Variants in PPP6R2 observed in about 807,000 individuals in gnomAD.
PPP6R2 encodes serine/threonine-protein phosphatase 6 regulatory subunit 2.
A neutral mutation model predicts 100.2 loss-of-function variants in PPP6R2; 62 were observed. The ratio of observed to expected loss-of-function variants is 0.62; its 90% CI spans 0.50 to 0.76. The LOEUF (loss-of-function observed/expected upper bound fraction) is 0.76, where lower values mean the gene tolerates loss of function less well. Ranked by LOEUF, PPP6R2 falls within the 30% of genes least tolerant of loss-of-function variation. The pLI, the probability that PPP6R2 is intolerant of heterozygous loss-of-function variation, is 0.00. For missense variants in PPP6R2, 1,142 were observed against 1,276.3 expected, an observed-to-expected ratio of 0.89 and a Z score of 1.60; for synonymous variants, 525 against 514.7, an observed-to-expected ratio of 1.02 and a Z score of -0.27.
chr22:50,337,818 T>A, the PPP6R2 span, among the ~76,000 whole-genome samples: 1 of 142,514 alleles, frequency 7.0e-6, no homozygotes, highest in Non-Finnish European at 1.5e-5. Context: ...GTGTGCTATC[T>A]GGGTACAGTG....
chr22:50,395,886 T>G (rs2056696483), intron 3 of PPP6R2, among the ~76,000 whole-genome samples: 1 of 150,970 alleles, frequency 6.6e-6, no homozygotes. Flanking sequence ...TTTACCTGTT[T>G]AAATGGTTGG....
At chr22:50,436,895 CCCTGGGCTGGGCATGGT>C (rs755911773) in intron 14 of PPP6R2, 76 bp from the exon 15 acceptor site, 8 of 1,019,130 alleles carry the variant, frequency 7.8e-6, no homozygotes, top group Admixed American at 4.0e-5. Context: ...GGTCTGGGAG[CCCTGGGCTGGGCATGGT>C]CCTGGGCGCT....
At chr22:50,404,634 A>G (rs1379837834) in intron 3 of PPP6R2, among the ~76,000 whole-genome samples, 1 of 120,478 alleles carries the variant, frequency 8.3e-6, no homozygotes. Flanking sequence ...ACGGAGTTTC[A>G]CCATGTTGCC....
At position 50,444,258 on chromosome 22, in the gene PPP6R2, G is replaced by C; in HGVS notation, c.*11G>C. On this transcript the variant is annotated 3_prime_UTR_variant, in exon 24 of 24. Coordinates refer to ENST00000612753, the MANE Select transcript of PPP6R2 (RefSeq NM_001242898.2). The stretch of plus-strand genomic sequence containing the variant: ...AATGGCCCAGTGTGATGCTGCTGCC[G>C]CCCGGCCACGGCCCACCCTGGTCAG... The C allele has an allele frequency of 6.2e-7, 1 of 1,612,158 alleles. No individual in the cohort carries two copies. Among genetic ancestry groups the C allele is most frequent in the Non-Finnish European group, 8.5e-7 (1 of 1,179,610 alleles).
In PPP6R2 at chr22:50,444,065, G is replaced by A. The variant is rs75683035; in HGVS notation, c.2779G>A (p.Val927Ile). 3.0e-4 allele frequency: 486 copies of A among 1,612,938 alleles called. 3 individuals are homozygous for A. The highest frequency in any genetic ancestry group is 2.9e-3 in the East Asian group (128 of 44,876). The part of the protein sequence containing the change: ...VAVPLGPIMA[V>I]TAAPAMVATL... ...GGTCCCCCTAGGGCCCATCATGGCA[G>A]TCACAGCAGCCCCAGCCATGGTGGC... The change falls in exon 23 of 24, where the codon GTC becomes ATC. Residue 927 changes from valine to isoleucine, a missense_variant. This residue lies in a region of PPP6R2 where 550 missense variants were observed against 517.4 expected (regional missense o/e 1.06). Coordinates refer to ENST00000612753, the MANE Select transcript of PPP6R2 (RefSeq NM_001242898.2).
chr22:50,350,141 T>C (rs115343988), intron 1 of PPP6R2, among the ~76,000 whole-genome samples: 2,329 of 152,048 alleles, frequency 0.015, 58 homozygotes, highest in African/African-American at 0.053. Flanking sequence ...AAGAAACCAT[T>C]TTATTTGCTC....
chr22:50,438,073 T>C, intron 17 of PPP6R2, 101 bp from the exon 18 acceptor site: 1 of 1,520,932 alleles, frequency 6.6e-7, no homozygotes, highest in Non-Finnish European at 8.9e-7. Context: ...AGCCCGGGGC[T>C]CCCACATCCC....
intron 3 of PPP6R2, among the ~76,000 whole-genome samples, chr22:50,396,869 T>C (rs1335822807): frequency 1.3e-5 from 2 of 151,936 alleles, no homozygotes; most frequent in African/African-American, 4.8e-5. Context: ...AGGGTTAGGG[T>C]GGGGCAGCTG....
chr22:50,379,407 G>A (rs1412376767), intron 2 of PPP6R2, among the ~76,000 whole-genome samples: 5 of 152,098 alleles, frequency 3.3e-5, no homozygotes, highest in Admixed American at 3.3e-4. Flanking sequence ...TGAGGTGGGA[G>A]TATCACTTGA....
At chr22:50,430,249 C>T (rs961936548) in intron 10 of PPP6R2, among the ~76,000 whole-genome samples, 7 of 152,262 alleles carry the variant, frequency 4.6e-5, no homozygotes, top group Non-Finnish European at 1.0e-4. Context: ...CACCTCTGGG[C>T]TTCAGCCCAT....
the PPP6R2 span, among the ~76,000 whole-genome samples, chr22:50,334,992 G>A: frequency 2.2e-4 from 33 of 151,984 alleles, no homozygotes; most frequent in African/African-American, 7.7e-4. Context: ...CTGAGATTTT[G>A]CCAGAGATTA....
chr22:50,396,490 G>A (rs1174217992), intron 3 of PPP6R2, among the ~76,000 whole-genome samples: 15 of 129,620 alleles, frequency 1.2e-4, no homozygotes, highest in Admixed American at 3.2e-4. Context: ...GTGAGACTCC[G>A]TCTCAAAAAA....
At chr22:50,352,717 C>G (rs986783497) in intron 1 of PPP6R2, among the ~76,000 whole-genome samples, 14 of 144,834 alleles carry the variant, frequency 9.7e-5, no homozygotes, top group African/African-American at 2.4e-4. Context: ...GAGCGAGACT[C>G]TGTCTCAAAA....
chr22:50,350,850 A>C (rs2044943516), intron 1 of PPP6R2, among the ~76,000 whole-genome samples: 1 of 151,454 alleles, frequency 6.6e-6, no homozygotes, highest in Non-Finnish European at 1.5e-5. Flanking sequence ...GTCTCAAAAA[A>C]AAAAAAAAAA....
intron 2 of PPP6R2, among the ~76,000 whole-genome samples, chr22:50,391,262 T>C (rs1953568321): frequency 6.6e-6 from 1 of 151,212 alleles, no homozygotes; most frequent in African/African-American, 2.4e-5. Context: ...TGAAACCCCA[T>C]CTCTACTAAA....
At chr22:50,338,470 T>TATGTC (rs2042328531), upstream of PPP6R2, among the ~76,000 whole-genome samples, 2 of 129,740 alleles carry the variant, frequency 1.5e-5, no homozygotes, top group African/African-American at 6.0e-5. Flanking sequence ...TAGTGTGTGT[T>TATGTC]ATGTGTGTGT....
intron 1 of PPP6R2, among the ~76,000 whole-genome samples, chr22:50,360,405 G>A (rs189406912): frequency 6.7e-6 from 1 of 149,502 alleles, no homozygotes; most frequent in East Asian, 2.0e-4. Flanking sequence ...CCACTTGGAA[G>A]TGCAAGTGGT....
chr22:50,414,642 C>T lies in PPP6R2; in HGVS notation c.505C>T (p.Leu169=), dbSNP rs1048606774. 1.2e-6 allele frequency: 2 copies of T among 1,613,494 alleles called. No homozygotes were observed. The highest frequency in any genetic ancestry group is 1.7e-6 in the Non-Finnish European group (2 of 1,180,004). The change falls in exon 5 of 24, where the codon CTG becomes TTG. Residue 169 remains leucine, a synonymous_variant. Transcript: ENST00000612753. ...TSALMDLLLR[L]VSCVEPAGLR... is the part of the protein sequence containing the mutation. ...AGCGCTTATGGACCTGCTGCTGCGCCTGGTCAGCTGTGTGGAGCCAGCCGG... is the reference window on the plus strand; with the variant it reads ...AGCGCTTATGGACCTGCTGCTGCGCTTGGTCAGCTGTGTGGAGCCAGCCGG...
At chr22:50,359,120 C>T (rs1030491300) in intron 1 of PPP6R2, among the ~76,000 whole-genome samples, 1 of 151,718 alleles carries the variant, frequency 6.6e-6, no homozygotes, top group African/African-American at 2.4e-5. Flanking sequence ...CTGCCTCAGC[C>T]TCCCGAGTAG....
Sources: allele counts gnomAD v4.1 joint callset (sites outside exome capture counted in the v4.1 genomes callset), GRCh38; gene constraint gnomAD v4.1.1; regional missense constraint gnomAD v4.1.1; transcripts MANE v1.5; gene names NCBI Gene and HGNC (gene_info 2026-07-23, HGNC 2026-07-21).